MICU1: variants seen among roughly 807,000 people sequenced by gnomAD.
MICU1 encodes calcium uptake protein 1, mitochondrial.
A neutral mutation model predicts 56.8 loss-of-function variants in MICU1; 45 were observed. The ratio of observed to expected loss-of-function variants is 0.79; its 90% CI spans 0.62 to 1.02. The LOEUF is 1.02. Ranked by LOEUF, MICU1 falls within the 50% of genes least tolerant of loss-of-function variation. The pLI is 0.00. For missense variants in MICU1, 504 were observed against 587.1 expected, an observed-to-expected ratio of 0.86 and a Z score of 1.46; for synonymous variants, 186 against 195.1, an observed-to-expected ratio of 0.95 and a Z score of 0.39.
intron 1 of MICU1, among the ~76,000 whole-genome samples, chr10:72,611,443 C>A (rs372003479): frequency 8.6e-5 from 13 of 151,960 alleles, no homozygotes; most frequent in African/African-American, 2.9e-4. Flanking sequence ...GAAACCCCGT[C>A]TCTACTAAAA....
chr10:72,544,710 G>A (rs1316674188), intron 4 of MICU1, among the ~76,000 whole-genome samples: 1 of 152,192 alleles, frequency 6.6e-6, no homozygotes, highest in East Asian at 1.9e-4. Context: ...TTATACCTAA[G>A]GAGGGCAATG....
intron 1 of MICU1, among the ~76,000 whole-genome samples, chr10:72,625,561 T>C (rs1842207640): frequency 6.6e-6 from 1 of 152,186 alleles, no homozygotes; most frequent in Non-Finnish European, 1.5e-5. Flanking sequence ...TCCTCACTGA[T>C]TTTCCACTTA....
At chr10:72,456,977 G>A (rs1865489773) in intron 8 of MICU1, among the ~76,000 whole-genome samples, 1 of 150,806 alleles carries the variant, frequency 6.6e-6, no homozygotes, top group South Asian at 2.1e-4. Context: ...GTGTGTGTGT[G>A]TGTGTGTGTT....
At chr10:72,434,358 C>T (rs563304322) in intron 8 of MICU1, among the ~76,000 whole-genome samples, 4 of 152,136 alleles carry the variant, frequency 2.6e-5, no homozygotes, top group Middle Eastern at 3.4e-3. Flanking sequence ...TATGAATAAG[C>T]CTTAAACTCT....
chr10:72,459,923 A>G (rs1018291742), intron 8 of MICU1, among the ~76,000 whole-genome samples: 3 of 152,124 alleles, frequency 2.0e-5, no homozygotes, highest in African/African-American at 4.8e-5. Context: ...TTTCATACCA[A>G]TTGCCAAACT....
At chr10:72,389,785 G>C (rs2132063664) in intron 10 of MICU1, among the ~76,000 whole-genome samples, 1 of 152,282 alleles carries the variant, frequency 6.6e-6, no homozygotes, top group Non-Finnish European at 1.5e-5. Context: ...TATATGGGCT[G>C]AAGCTCACTC....
intron 8 of MICU1, among the ~76,000 whole-genome samples, chr10:72,437,855 A>G (rs1564868470): frequency 2.6e-5 from 4 of 152,352 alleles, no homozygotes; most frequent in Admixed American, 6.5e-5. Flanking sequence ...TAACTATCCT[A>G]AATATATATG....
At chr10:72,419,460 C>T (rs993263045) in intron 9 of MICU1, among the ~76,000 whole-genome samples, 2 of 152,344 alleles carry the variant, frequency 1.3e-5, no homozygotes, top group African/African-American at 2.4e-5. Flanking sequence ...GCTGACACTT[C>T]CTCTCAGAGC....
chr10:72,419,579 A>G (rs1322109453), intron 9 of MICU1, among the ~76,000 whole-genome samples: 1 of 152,240 alleles, frequency 6.6e-6, no homozygotes, highest in Non-Finnish European at 1.5e-5. Flanking sequence ...TTTTCCACCA[A>G]GTTAGGGCAA....
chr10:72,412,866 A>AAAC (rs1863867648), intron 9 of MICU1, among the ~76,000 whole-genome samples: 1 of 150,168 alleles, frequency 6.7e-6, no homozygotes, highest in East Asian at 2.0e-4. Flanking sequence ...AAAAAAAAAA[A>AAAC]AAAAAGCAGT....
intron 6 of MICU1, among the ~76,000 whole-genome samples, chr10:72,493,634 G>A (rs898100292): frequency 6.6e-6 from 1 of 151,956 alleles, no homozygotes; most frequent in African/African-American, 2.4e-5. Context: ...TGTATTTTTT[G>A]TAGAGACATG....
At chr10:72,616,665 A>C (rs113204613) in intron 1 of MICU1, among the ~76,000 whole-genome samples, 2 of 149,496 alleles carry the variant, frequency 1.3e-5, no homozygotes, top group South Asian at 2.1e-4. Flanking sequence ...AAAAAAAAAA[A>C]AACACACTAT....
At position 72,618,034 on chromosome 10, in the gene MICU1, C is replaced by T. The variant is rs565866196; in HGVS notation, c.-2+7976G>A. Among the ~76,000 whole-genome samples, 12 of 151,930 alleles carry T rather than the reference C, an allele frequency of 7.9e-5. No individual in the cohort carries two copies. In the South Asian group the frequency reaches 8.3e-4, roughly 11 times the overall value. ...TATAAAAATTAGCCAGGAGTGGTGG[C>T]GCATGCCTGTAAATCCCAGCTACTA... On this transcript the variant is annotated intron_variant, in intron 1 of 11. Coordinates refer to ENST00000361114, the MANE Select transcript of MICU1 (RefSeq NM_001195518.2).
At chr10:72,578,234 A>C (rs560475904) in intron 1 of MICU1, among the ~76,000 whole-genome samples, 225 of 152,198 alleles carry the variant, frequency 1.5e-3, no homozygotes, top group Non-Finnish European at 2.5e-3. Flanking sequence ...CTAAAGGCTC[A>C]GATGATTGTT....
At chr10:72,384,522 CTT>C (rs1365255056) in intron 10 of MICU1, among the ~76,000 whole-genome samples, 7 of 152,142 alleles carry the variant, frequency 4.6e-5, no homozygotes, top group Admixed American at 1.3e-4. Context: ...ACCCCCATCT[CTT>C]CTCTTTGTGA....
chr10:72,506,749 ATT>A (rs1203258152), intron 6 of MICU1, among the ~76,000 whole-genome samples: 1 of 152,168 alleles, frequency 6.6e-6, no homozygotes, highest in Non-Finnish European at 1.5e-5. Context: ...GAACAAATCT[ATT>A]GTCTTCCCCC....
intron 11 of MICU1, among the ~76,000 whole-genome samples, chr10:72,372,628 C>G (rs1289807419): frequency 1.3e-5 from 2 of 152,080 alleles, no homozygotes; most frequent in Non-Finnish European, 2.9e-5. Context: ...CACCTGAGGT[C>G]AGGAGTTCAA....
chr10:72,377,848 G>A (rs1199949144), intron 10 of MICU1, among the ~76,000 whole-genome samples: 1 of 152,104 alleles, frequency 6.6e-6, no homozygotes, highest in Non-Finnish European at 1.5e-5. Flanking sequence ...CCTATTATCA[G>A]CCCATCTTGT....
intron 2 of MICU1, among the ~76,000 whole-genome samples, chr10:72,564,652 T>C (rs1229915694): frequency 6.6e-6 from 1 of 151,484 alleles, no homozygotes; most frequent in Admixed American, 6.6e-5. Flanking sequence ...CCAAATACAG[T>C]GATCTTGCTA....
Sources: allele counts gnomAD v4.1 joint callset (sites outside exome capture counted in the v4.1 genomes callset), GRCh38; gene constraint gnomAD v4.1.1; transcripts MANE v1.5; gene names NCBI Gene and HGNC (gene_info 2026-07-23, HGNC 2026-07-21).